MSRA: variants seen among roughly 807,000 people sequenced by gnomAD.
MSRA encodes methionine sulfoxide reductase A.
MSRA carries 54 observed loss-of-function variants against 31.3 expected under a neutral mutation model. That is an observed-to-expected ratio of 1.73 (90% CI 1.39 to 2.17). MSRA has a LOEUF of 2.17. MSRA is among the 30% of genes most tolerant of loss of function. The pLI, the probability that MSRA is intolerant of heterozygous loss-of-function variation, is 0.00. For synonymous variants in MSRA, 169 were observed against 116.5 expected (o/e 1.45, Z -2.90); for missense variants, 507 against 300.9 (o/e 1.69, Z -5.07).
At chr8:10,196,438 C>G (rs1807995010) in intron 1 of MSRA, among the ~76,000 whole-genome samples, 1 of 152,122 alleles carries the variant, frequency 6.6e-6, no homozygotes, top group South Asian at 2.1e-4. Flanking sequence ...TGTGGCAAAA[C>G]CAGCATGGAC....
At chr8:10,185,001 G>T (rs946102773) in intron 1 of MSRA, among the ~76,000 whole-genome samples, 1 of 152,210 alleles carries the variant, frequency 6.6e-6, no homozygotes, top group Non-Finnish European at 1.5e-5. Flanking sequence ...GATCTTTATT[G>T]CAGGGCTGAG....
intron 3 of MSRA, among the ~76,000 whole-genome samples, chr8:10,294,060 C>G (rs2129119303): frequency 6.6e-6 from 1 of 152,254 alleles, no homozygotes; most frequent in Non-Finnish European, 1.5e-5. Context: ...AAAAACCACC[C>G]AGGCATGGTG....
intron 1 of MSRA, among the ~76,000 whole-genome samples, chr8:10,129,096 C>T (rs1375206825): frequency 2.0e-5 from 3 of 152,186 alleles, no homozygotes. Context: ...GCAGTGGTGG[C>T]TAATTGATGA....
At chr8:10,270,407 G>GAA (rs58968857) in intron 3 of MSRA, among the ~76,000 whole-genome samples, 1 of 145,610 alleles carries the variant, frequency 6.9e-6, no homozygotes, top group African/African-American at 2.5e-5. Context: ...GAAGCATACT[G>GAA]AAAAAAAAAA....
At position 10,394,198 on chromosome 8, in the gene MSRA, C is replaced by T. The variant is rs975039129; in HGVS notation, c.544-33950C>T. Among the ~76,000 whole-genome samples the T allele has an allele frequency of 2.0e-5, 3 of 152,172 alleles. No homozygotes were observed. In the East Asian group the frequency reaches 5.8e-4, roughly 29 times the overall value. On this transcript the variant is annotated intron_variant, in intron 5 of 5. Transcript: ENST00000317173. ...TTGATCTTTCCAAAACCAAAAGGGG[C>T]CATTCAATGTTTTTATTGTAGCGAA... is the stretch of plus-strand genomic sequence containing the variant.
At chr8:10,097,632 A>T (rs1799265306) in intron 1 of MSRA, among the ~76,000 whole-genome samples, 1 of 152,170 alleles carries the variant, frequency 6.6e-6, no homozygotes, top group Admixed American at 6.5e-5. Flanking sequence ...CTAAATATAT[A>T]ACTTATTTAA....
Position 10,096,101 on chromosome 8 carries a change from C to A in MSRA, c.142+41443C>A, listed in dbSNP as rs532817921. On this transcript the variant is annotated intron_variant, in intron 1 of 5. Coordinates refer to ENST00000317173, the MANE Select transcript of MSRA (RefSeq NM_012331.5). ...TAGACATTTATAGACATTAACTTTT[C>A]AAGGAGCCTTTCTAAGATTTTATGC... The A allele has an allele frequency of 4.6e-6, 6 of 1,306,322 alleles. No homozygotes were observed. In the Admixed American group the frequency reaches 9.4e-5, roughly 21 times the overall value. The allele number at this position is 1,306,322 out of a possible 1,614,324, so 80.9% of individuals were successfully genotyped here.
chr8:10,348,610 C>T (rs1474401437), intron 5 of MSRA, among the ~76,000 whole-genome samples: 8 of 152,106 alleles, frequency 5.3e-5, no homozygotes, highest in South Asian at 2.1e-4. Flanking sequence ...CCTCGTGATC[C>T]GCCTGCCTCG....
chr8:10,368,994 C>G (rs529785078), intron 5 of MSRA, among the ~76,000 whole-genome samples: 274 of 152,224 alleles, frequency 1.8e-3, no homozygotes, highest in African/African-American at 5.6e-3. Flanking sequence ...GACCAACACC[C>G]GCAAGTGTGT....
chr8:10,335,704 A>T (rs530613171), intron 5 of MSRA, among the ~76,000 whole-genome samples: 2 of 152,300 alleles, frequency 1.3e-5, no homozygotes, highest in East Asian at 3.9e-4. Context: ...AGCCACACCC[A>T]GAGCCTTCAA....
At chr8:10,348,003 G>C (rs1049560631) in intron 5 of MSRA, among the ~76,000 whole-genome samples, 5 of 152,204 alleles carry the variant, frequency 3.3e-5, no homozygotes, top group African/African-American at 1.2e-4. Flanking sequence ...GCCATTTATA[G>C]AGTAGGCACA....
chr8:10,175,444 C>T (rs1805964298), intron 1 of MSRA, among the ~76,000 whole-genome samples: 1 of 152,158 alleles, frequency 6.6e-6, no homozygotes, highest in East Asian at 1.9e-4. Flanking sequence ...AAGAATGTAA[C>T]ACAGGATCAA....
intron 3 of MSRA, among the ~76,000 whole-genome samples, chr8:10,266,632 T>C (rs1798762685): frequency 6.6e-6 from 1 of 152,152 alleles, no homozygotes; most frequent in African/African-American, 2.4e-5. Flanking sequence ...GATGAAACTT[T>C]TGTGTCATAT....
intron 1 of MSRA, among the ~76,000 whole-genome samples, chr8:10,090,406 G>T (rs1798797297): frequency 6.6e-6 from 1 of 152,174 alleles, no homozygotes; most frequent in African/African-American, 2.4e-5. Flanking sequence ...GCAGATTCAG[G>T]TGGATAAGAG....
intron 5 of MSRA, among the ~76,000 whole-genome samples, chr8:10,368,030 C>CTTGCTT (rs1563401219): frequency 2.0e-5 from 3 of 152,192 alleles, no homozygotes; most frequent in Middle Eastern, 3.4e-3. Flanking sequence ...GTGGAGCTGC[C>CTTGCTT]GGACGGTAGA....
chr8:10,105,000 G>A (rs995966755), intron 1 of MSRA, among the ~76,000 whole-genome samples: 27 of 152,162 alleles, frequency 1.8e-4, no homozygotes, highest in Non-Finnish European at 2.6e-4. Flanking sequence ...GGAATATTTT[G>A]CTGTTACGTT....
At chr8:10,116,147 A>G (rs1040543875) in intron 1 of MSRA, among the ~76,000 whole-genome samples, 1 of 152,224 alleles carries the variant, frequency 6.6e-6, no homozygotes, top group Non-Finnish European at 1.5e-5. Context: ...AATGACACTA[A>G]AACTCAAGTT....
intron 1 of MSRA, among the ~76,000 whole-genome samples, chr8:10,166,820 A>G (rs1585076008): frequency 6.6e-6 from 1 of 152,166 alleles, no homozygotes; most frequent in African/African-American, 2.4e-5. Context: ...AGCAGAGCCC[A>G]TGGACTTACC....
chr8:10,225,130 C>A (rs527465094), intron 2 of MSRA, among the ~76,000 whole-genome samples: 15 of 152,286 alleles, frequency 9.8e-5, no homozygotes, highest in Non-Finnish European at 2.1e-4. Flanking sequence ...GAGTGAGACT[C>A]CATCTCAAGA....
Sources: gnomAD v4.1 joint callset for allele counts (sites outside exome capture counted in the v4.1 genomes callset) on GRCh38, gnomAD v4.1.1 for gene constraint, MANE v1.5 for transcripts, NCBI Gene and HGNC (gene_info 2026-07-23, HGNC 2026-07-21) for gene names.